The following CACNA1E variants were observed in gnomAD, a reference collection of about 807,000 sequenced individuals.
The protein encoded by CACNA1E is calcium voltage-gated channel subunit alpha1 E, also known as voltage-dependent R-type calcium channel subunit alpha-1E.
In CACNA1E, 40 loss-of-function variants were observed where a neutral mutation model predicts 259.2. That is an observed-to-expected ratio of 0.15 (90% CI 0.12 to 0.20). The LOEUF (loss-of-function observed/expected upper bound fraction) is 0.20, where lower values mean the gene tolerates loss of function less well. Among genes scored for constraint, CACNA1E ranks in the 10% least tolerant of loss-of-function variants. CACNA1E has a pLI of 1.00. For synonymous variants in CACNA1E, 1,104 were observed against 1,138.5 expected (o/e 0.97, Z 0.61); for missense variants, 1,874 against 3,040.1 (o/e 0.62, Z 9.02).
chr1:181,474,978 A>T (rs1662749887), intron 2 of CACNA1E, among the ~76,000 whole-genome samples: 1 of 152,196 alleles, frequency 6.6e-6, no homozygotes. Flanking sequence ...ATTCCTGTTT[A>T]TATCATCTGG....
chr1:181,756,841 T>A, intron 29 of CACNA1E, 84 bp from the exon 30 acceptor site: 1 of 936,812 alleles, frequency 1.1e-6, no homozygotes, highest in Non-Finnish European at 1.7e-6. Flanking sequence ...AGAAGTCAGA[T>A]AAAAAATTAT....
At chr1:181,642,254 C>G (rs1249178058) in intron 6 of CACNA1E, among the ~76,000 whole-genome samples, 1 of 151,954 alleles carries the variant, frequency 6.6e-6, no homozygotes, top group Non-Finnish European at 1.5e-5. Context: ...CCTTCCAGCT[C>G]TAGAATCTGC....
intron 6 of CACNA1E, among the ~76,000 whole-genome samples, chr1:181,599,041 C>T (rs993903842): frequency 2.0e-5 from 3 of 152,020 alleles, no homozygotes; most frequent in Admixed American, 2.0e-4. Context: ...ATTTGCTACA[C>T]AGTTCATCCC....
intron 3 of CACNA1E, among the ~76,000 whole-genome samples, chr1:181,560,040 T>A (rs1160600731): frequency 6.6e-6 from 1 of 152,078 alleles, no homozygotes; most frequent in Non-Finnish European, 1.5e-5. Flanking sequence ...TTTTTTTTTC[T>A]GTATTTGTTG....
intron 25 of CACNA1E, among the ~76,000 whole-genome samples, chr1:181,749,348 T>C (rs1330175143): frequency 6.6e-6 from 1 of 152,204 alleles, no homozygotes; most frequent in Non-Finnish European, 1.5e-5. Flanking sequence ...TGAATGATCT[T>C]AGGCAAGGCA....
At chr1:181,608,219 C>T (rs116246848) in intron 6 of CACNA1E, among the ~76,000 whole-genome samples, 4,215 of 151,856 alleles carry the variant, frequency 0.028, 218 homozygotes, top group African/African-American at 0.096. Flanking sequence ...GAGGGAGGGG[C>T]AGGTAAGTGG....
intron 10 of CACNA1E, 132 bp from the exon 11 acceptor site, chr1:181,716,961 G>A (rs1453673510): frequency 1.4e-6 from 1 of 695,948 alleles, no homozygotes; most frequent in Non-Finnish European, 2.5e-6. Context: ...GTAAGATGGG[G>A]ATTCCCCACA....
At chr1:181,601,125 CA>C (rs1365559056) in intron 6 of CACNA1E, among the ~76,000 whole-genome samples, 4 of 152,138 alleles carry the variant, frequency 2.6e-5, no homozygotes, top group Non-Finnish European at 5.9e-5. Context: ...ACTACCACCC[CA>C]TGGGCTAGCT....
intron 3 of CACNA1E, among the ~76,000 whole-genome samples, chr1:181,557,849 G>A (rs1402586173): frequency 6.6e-6 from 1 of 152,190 alleles, no homozygotes; most frequent in Non-Finnish European, 1.5e-5. Context: ...TGCCAAAAGG[G>A]ATCCCACCCT....
At chr1:181,421,071 A>G (rs1658704766) in intron 2 of CACNA1E, among the ~76,000 whole-genome samples, 1 of 152,152 alleles carries the variant, frequency 6.6e-6, no homozygotes, top group Admixed American at 6.5e-5. Context: ...AGGTTAAGTT[A>G]CCTGCCCAGT....
At chr1:181,791,211 C>T (rs954557201) in intron 44 of CACNA1E, among the ~76,000 whole-genome samples, 1 of 152,240 alleles carries the variant, frequency 6.6e-6, no homozygotes, top group Non-Finnish European at 1.5e-5. Context: ...GTGGCTCACG[C>T]CTGTAATCCC....
intron 18 of CACNA1E, among the ~76,000 whole-genome samples, chr1:181,727,887 C>A (rs1224734676): frequency 6.6e-6 from 1 of 152,138 alleles, no homozygotes; most frequent in Non-Finnish European, 1.5e-5. Context: ...CAGCCTCTTC[C>A]TTGCCTTGTG....
At chr1:181,768,293 G>T (rs1426759055) in intron 35 of CACNA1E, among the ~76,000 whole-genome samples, 5 of 152,096 alleles carry the variant, frequency 3.3e-5, no homozygotes, top group Admixed American at 3.3e-4. Context: ...CTAAATGTAT[G>T]CATAGAGAGA....
intron 2 of CACNA1E, among the ~76,000 whole-genome samples, chr1:181,428,355 C>T (rs984369215): frequency 2.0e-5 from 3 of 152,184 alleles, no homozygotes; most frequent in African/African-American, 7.2e-5. Flanking sequence ...AATTAGCATG[C>T]TGACAGCTTC....
chr1:181,351,129 G>A (rs1200867126), intron 1 of CACNA1E, among the ~76,000 whole-genome samples: 1 of 152,234 alleles, frequency 6.6e-6, no homozygotes, highest in African/African-American at 2.4e-5. Context: ...AGAGCTGTAG[G>A]AGCAGGATTG....
intron 2 of CACNA1E, among the ~76,000 whole-genome samples, chr1:181,472,727 G>C (rs1026833451): frequency 6.6e-6 from 1 of 152,194 alleles, no homozygotes; most frequent in South Asian, 2.1e-4. Flanking sequence ...GCGTGCGTGT[G>C]TGTGCGCGCG....
Position 181,483,522 on chromosome 1 carries a change from T to G in CACNA1E, c.-223T>G. 1 of 362,694 alleles carries G rather than the reference T, an allele frequency of 2.8e-6. No individual in the cohort carries two copies. Among genetic ancestry groups the G allele is most frequent in the Admixed American group, 4.6e-5 (1 of 21,556 alleles). 22.5% of individuals were successfully genotyped at this position (362,694 alleles called of 1,614,324 possible). ...TTTTCTTTTTTTTTTTTTTCCTTCTTGAGGAATGGAGCTTCGCAGAGGTTG... is the reference window on the plus strand; with the variant it reads ...TTTTCTTTTTTTTTTTTTTCCTTCTGGAGGAATGGAGCTTCGCAGAGGTTG... On this transcript the variant is annotated 5_prime_UTR_variant, in exon 1 of 48. Transcript: ENST00000367573.
intron 2 of CACNA1E, among the ~76,000 whole-genome samples, chr1:181,470,828 C>T (rs1662456827): frequency 6.6e-6 from 1 of 152,142 alleles, no homozygotes. Context: ...TACGCTAGGC[C>T]CTTGAAACTC....
chr1:181,459,379 G>T (rs1661665269), intron 2 of CACNA1E, among the ~76,000 whole-genome samples: 1 of 152,264 alleles, frequency 6.6e-6, no homozygotes, highest in African/African-American at 2.4e-5. Flanking sequence ...TTCAGGTAGG[G>T]AGAAGCTATG....
Sources: allele counts gnomAD v4.1 joint callset (sites outside exome capture counted in the v4.1 genomes callset), GRCh38; gene constraint gnomAD v4.1.1; transcripts MANE v1.5; gene names NCBI Gene and HGNC (gene_info 2026-07-23, HGNC 2026-07-21).